The following TNRC6A variants were observed in gnomAD, a reference collection of about 807,000 sequenced individuals.
The protein encoded by TNRC6A is trinucleotide repeat-containing gene 6A protein.
In TNRC6A, 44 loss-of-function variants were observed where a neutral mutation model predicts 221.2. The ratio of observed to expected loss-of-function variants is 0.20; its 90% CI spans 0.16 to 0.26. TNRC6A has a LOEUF of 0.26. TNRC6A is among the 10% of genes least tolerant of loss of function. The pLI is 1.00. For missense variants in TNRC6A, 2,199 were observed against 2,404.4 expected (o/e 0.91, Z 1.79); for synonymous variants, 847 against 838.5 (o/e 1.01, Z -0.18).
At chr16:24,681,040 A>G (rs1356345704) in intron 2 of TNRC6A, among the ~76,000 whole-genome samples, 1 of 152,092 alleles carries the variant, frequency 6.6e-6, no homozygotes, top group African/African-American at 2.4e-5. Context: ...AAGTGCTTAG[A>G]CAGTAAAGCT....
chr16:24,729,068 T>C (rs1021262567), upstream of TNRC6A, among the ~76,000 whole-genome samples: 5 of 152,054 alleles, frequency 3.3e-5, no homozygotes, highest in African/African-American at 1.2e-4. Flanking sequence ...CCCAGAATTA[T>C]TTCCTGAGCA....
chr16:24,620,576 C>T (rs961540396), intron 1 of TNRC6A, among the ~76,000 whole-genome samples: 5 of 151,052 alleles, frequency 3.3e-5, no homozygotes, highest in Non-Finnish European at 7.4e-5. Context: ...GGGAGGCCGA[C>T]GCGGGCAGAT....
chr16:24,682,052 TC>T (rs2055542389), intron 2 of TNRC6A, among the ~76,000 whole-genome samples: 1 of 152,162 alleles, frequency 6.6e-6, no homozygotes, highest in Non-Finnish European at 1.5e-5. Flanking sequence ...GATAGGATAG[TC>T]AACTGTCTGT....
chr16:24,808,446 G>C (rs1182147386), intron 17 of TNRC6A, among the ~76,000 whole-genome samples: 1 of 152,220 alleles, frequency 6.6e-6, no homozygotes, highest in African/African-American at 2.4e-5. Flanking sequence ...CCTGGGGTCT[G>C]TGGCTGCTTT....
intron 2 of TNRC6A, among the ~76,000 whole-genome samples, chr16:24,713,148 G>A (rs1430530016): frequency 6.6e-6 from 1 of 152,122 alleles, no homozygotes; most frequent in East Asian, 1.9e-4. Flanking sequence ...GCTGGATGCA[G>A]TGGCTCTTGC....
intron 2 of TNRC6A, chr16:24,662,256 C>T (rs1265230784): frequency 3.3e-5 from 5 of 151,848 alleles, no homozygotes; most frequent in South Asian, 2.1e-4. Context: ...TCCAGAACAG[C>T]CTAAGCAACA....
chr16:24,791,574 C>A lies in TNRC6A; in HGVS notation c.2932C>A (p.Pro978Thr), dbSNP rs757799159. 1 of 1,573,924 alleles carries A rather than the reference C, an allele frequency of 6.4e-7. No homozygotes were observed. Among genetic ancestry groups the A allele is most frequent in the Non-Finnish European group, 8.6e-7 (1 of 1,163,556 alleles). ...CTGGCTGGGGGGACCTATACCAGCC[C>A]CAGCAAAAGAAGAAGAACCCACAGG... ...TGWLGGPIPA[P>T]AKEEEPTGWE... is the part of the protein sequence containing the mutation. Residue 978 changes from proline (P) to threonine (T), a missense_variant, in exon 6 of 25, where the codon CCA becomes ACA. By Grantham distance (38) the Pro-to-Thr change is conservative. Around this residue, in one of 8 missense-constraint regions of TNRC6A, gnomAD observed 1,405 missense variants for 1,400.2 expected, o/e 1.00. Transcript: ENST00000395799.
chr16:24,725,998 TAA>T (rs200509728), upstream of TNRC6A, among the ~76,000 whole-genome samples: 263 of 128,078 alleles, frequency 2.1e-3, 1 homozygote, highest in African/African-American at 6.6e-3. Context: ...AGACTATGTC[TAA>T]AAAAAAAAAA....
intron 12 of TNRC6A, 131 bp downstream of exon 12, chr16:24,804,450 T>C (rs2058390133): frequency 1.6e-6 from 2 of 1,215,062 alleles, no homozygotes; most frequent in South Asian, 3.2e-5. Context: ...TATTACTGGA[T>C]TTTGAAGTTC....
At chr16:24,814,969 C>T (rs2058625647) in intron 18 of TNRC6A, among the ~76,000 whole-genome samples, 178 bp from the exon 19 acceptor site, 2 of 152,172 alleles carry the variant, frequency 1.3e-5, no homozygotes, top group South Asian at 4.1e-4. Flanking sequence ...TCACAGTTAT[C>T]ATTTTCAGAC....
chr16:24,694,736 C>T (rs543746345), intron 2 of TNRC6A, among the ~76,000 whole-genome samples: 1 of 150,192 alleles, frequency 6.7e-6, no homozygotes, highest in Admixed American at 6.7e-5. Flanking sequence ...GAGCTCAAGA[C>T]CAGCCTGGGC....
chr16:24,823,650 G>A lies in TNRC6A; in HGVS notation c.5732G>A (p.Gly1911Glu), dbSNP rs2058814894. Residue 1911 changes from glycine (G) to glutamate (E), a missense_variant, in exon 25 of 25, where the codon GGA becomes GAA. Gly to Glu is a moderately conservative substitution (Grantham distance 98). This residue lies in a region of TNRC6A where 130 missense variants were observed against 121.7 expected (regional missense o/e 1.07). Coordinates refer to ENST00000395799, the MANE Select transcript of TNRC6A (RefSeq NM_014494.4). This position sits in a 1 kb window ranked among gnomAD's most constrained non-coding sequence, Gnocchi z 4.3. ...GCTGGGCTGTCGGGAACTAACTGTGGAGACCTTCACGGCACTTCACTCTGG... is the reference window on the plus strand; with the variant it reads ...GCTGGGCTGTCGGGAACTAACTGTGAAGACCTTCACGGCACTTCACTCTGG... ...NGAGLSGTNC[G>E]DLHGTSLWGT... The A allele has an allele frequency of 1.9e-6, 3 of 1,613,422 alleles. No individual in the cohort carries two copies. The highest frequency in any genetic ancestry group is 2.5e-6 in the Non-Finnish European group (3 of 1,179,544).
chr16:24,656,183 C>T (rs2054907870), intron 2 of TNRC6A, among the ~76,000 whole-genome samples: 1 of 150,974 alleles, frequency 6.6e-6, no homozygotes. Context: ...AAAAATGAGG[C>T]CGGGCGTGGT....
chr16:24,787,639 T>A (rs984484851), intron 5 of TNRC6A, among the ~76,000 whole-genome samples: 2 of 152,190 alleles, frequency 1.3e-5, no homozygotes, highest in Non-Finnish European at 2.9e-5. Flanking sequence ...TAGGAATCAT[T>A]AAAGAAATGA....
intron 2 of TNRC6A, among the ~76,000 whole-genome samples, chr16:24,712,340 G>T (rs1200213276): frequency 6.6e-6 from 1 of 152,170 alleles, no homozygotes; most frequent in African/African-American, 2.4e-5. Flanking sequence ...GCTGGTTGGG[G>T]TGGGGCTTAT....
chr16:24,773,947 C>T (rs142750080), intron 4 of TNRC6A, among the ~76,000 whole-genome samples: 1 of 151,878 alleles, frequency 6.6e-6, no homozygotes, highest in Non-Finnish European at 1.5e-5. Flanking sequence ...GTTTAAGAGG[C>T]TTTATCTTTT....
chr16:24,764,235 G>T (rs2057423642), intron 4 of TNRC6A, among the ~76,000 whole-genome samples: 1 of 151,614 alleles, frequency 6.6e-6, no homozygotes, highest in South Asian at 2.1e-4. Flanking sequence ...ATGTCTTCCA[G>T]GTTCATCCAT....
chr16:24,699,062 G>A (rs2055918572), intron 2 of TNRC6A, among the ~76,000 whole-genome samples: 1 of 152,132 alleles, frequency 6.6e-6, no homozygotes. Flanking sequence ...GTATTGAATG[G>A]ATAAGTGTTT....
intron 2 of TNRC6A, chr16:24,663,974 G>A (rs1596622772): frequency 2.2e-6 from 1 of 456,594 alleles, no homozygotes; most frequent in East Asian, 6.9e-5. Flanking sequence ...GATGTGCAGG[G>A]TTTAACCATC....
Sources: gnomAD v4.1 joint callset for allele counts (sites outside exome capture counted in the v4.1 genomes callset) on GRCh38, gnomAD v4.1.1 for gene constraint, gnomAD v4.1.1 regional missense constraint, Gnocchi (gnomAD v3.1) non-coding constraint, MANE v1.5 for transcripts, NCBI Gene and HGNC (gene_info 2026-07-23, HGNC 2026-07-21) for gene names.